Variants in PDE3A observed in about 807,000 individuals in gnomAD.
PDE3A encodes phosphodiesterase 3A, also known as cGMP-inhibited 3',5'-cyclic phosphodiesterase 3A.
PDE3A carries 43 observed loss-of-function variants against 98.3 expected under a neutral mutation model. The observed-to-expected ratio is 0.44, with a 90% CI of 0.34 to 0.56. The LOEUF (loss-of-function observed/expected upper bound fraction) is 0.56, where lower values mean the gene tolerates loss of function less well. Among genes scored for constraint, PDE3A ranks in the 20% least tolerant of loss-of-function variants. PDE3A has a pLI of 0.01. For synonymous variants in PDE3A, 663 were observed against 567.9 expected (o/e 1.17, Z -2.38); for missense variants, 1,427 against 1,440.7 (o/e 0.99, Z 0.15).
In PDE3A at chr12:20,383,093, G is replaced by A. The variant is rs186554161; in HGVS notation, c.960+12849G>A. ...ATGCTTCGGGTGCTTCATTGAAAAAGGCTTAAGAGAGATATTTAAAAAAAT... is the reference window on the plus strand; with the variant it reads ...ATGCTTCGGGTGCTTCATTGAAAAAAGCTTAAGAGAGATATTTAAAAAAAT... On this transcript the variant is annotated intron_variant, in intron 1 of 15. Transcript: ENST00000359062. 1.1e-4 allele frequency among the ~76,000 whole-genome samples: 16 copies of A among 151,902 alleles called. No homozygotes were observed. In the East Asian group the frequency reaches 3.1e-3, roughly 30 times the overall value.
chr12:20,656,344 C>T (rs1253807237), intron 15 of PDE3A, among the ~76,000 whole-genome samples: 11 of 152,160 alleles, frequency 7.2e-5, no homozygotes, highest in Non-Finnish European at 1.0e-4. Context: ...TGTAGGCACA[C>T]ATAAGCAAAC....
chr12:20,576,069 T>C (rs1942926072), intron 2 of PDE3A, among the ~76,000 whole-genome samples: 1 of 152,010 alleles, frequency 6.6e-6, no homozygotes, highest in Non-Finnish European at 1.5e-5. Context: ...TTGATATAGG[T>C]ATGCAATTCG....
chr12:20,629,507 G>T (rs959904704), intron 5 of PDE3A, among the ~76,000 whole-genome samples: 1 of 152,122 alleles, frequency 6.6e-6, no homozygotes, highest in African/African-American at 2.4e-5. Flanking sequence ...TAAAACAATA[G>T]CAGATCCTGT....
chr12:20,654,660 CTTTTTTTTTTTTTT>C (rs71442265), intron 15 of PDE3A, among the ~76,000 whole-genome samples: 4 of 85,856 alleles, frequency 4.7e-5, no homozygotes, highest in Admixed American at 1.5e-4. Context: ...CTACACCCGG[CTTTTTTTTTTTTTT>C]TTTTTTTTTT....
Position 20,680,146 on chromosome 12 carries a change from A to T in PDE3A, c.3301A>T (p.Asn1101Tyr), listed in dbSNP as rs1291403393. 6.2e-7 allele frequency: 1 copy of T among 1,613,936 alleles called. No individual in the cohort carries two copies. Among genetic ancestry groups the T allele is most frequent in the Non-Finnish European group, 8.5e-7 (1 of 1,179,886 alleles). ...GGAGCAACGGTTGGCAGGCATAGAA[A>T]ATCAATCCCTGGACCAGACCCCTCA... ...EEEQRLAGIE[N>Y]QSLDQTPQSH... is the part of the protein sequence containing the mutation. The change falls in exon 16 of 16, where the codon AAT (asparagine) becomes TAT (tyrosine). Residue 1101 changes from asparagine to tyrosine, a missense_variant. By Grantham distance (143) the Asn-to-Tyr change is moderately radical. Coordinates refer to ENST00000359062, the MANE Select transcript of PDE3A (RefSeq NM_000921.5).
chr12:20,559,788 TTAAGGATGGG>T (rs1216818976), intron 2 of PDE3A, among the ~76,000 whole-genome samples: 1 of 152,106 alleles, frequency 6.6e-6, no homozygotes, highest in African/African-American at 2.4e-5. Flanking sequence ...AGGTGTGGCT[TTAAGGATGGG>T]TAAGCTTTCG....
At chr12:20,536,723 A>G (rs1490237631) in intron 1 of PDE3A, among the ~76,000 whole-genome samples, 1 of 152,064 alleles carries the variant, frequency 6.6e-6, no homozygotes, top group African/African-American at 2.4e-5. Flanking sequence ...GTACTACTTC[A>G]TTTCTTTTTG....
chr12:20,482,235 T>C (rs73073145), intron 1 of PDE3A, among the ~76,000 whole-genome samples: 27,466 of 129,920 alleles, frequency 0.21, 2,664 homozygotes, highest in East Asian at 0.48. Context: ...CATGTATTTT[T>C]TTTTCTGTAA....
intron 1 of PDE3A, among the ~76,000 whole-genome samples, chr12:20,405,959 C>T (rs1415695906): frequency 6.6e-6 from 1 of 152,158 alleles, no homozygotes; most frequent in Non-Finnish European, 1.5e-5. Flanking sequence ...TTCTTAGATT[C>T]CACATGTAAG....
chr12:20,534,886 A>G lies in PDE3A; in HGVS notation c.961-21774A>G, dbSNP rs1244133115. Reference sequence around the variant, plus strand: ...CTTAATCATTAAATGTGAAAGGGTGAAATGCTTGTATTGCAATTGAAATGA... The same window carrying G: ...CTTAATCATTAAATGTGAAAGGGTGGAATGCTTGTATTGCAATTGAAATGA... On this transcript the variant is annotated intron_variant, in intron 1 of 15. Coordinates refer to ENST00000359062, the MANE Select transcript of PDE3A (RefSeq NM_000921.5). 2.0e-5 allele frequency among the ~76,000 whole-genome samples: 3 copies of G among 152,194 alleles called. No homozygotes were observed. In the East Asian group the frequency reaches 5.8e-4, roughly 29 times the overall value.
intron 15 of PDE3A, among the ~76,000 whole-genome samples, chr12:20,667,986 T>C (rs1000235124): frequency 6.6e-6 from 1 of 152,018 alleles, no homozygotes; most frequent in Admixed American, 6.5e-5. Flanking sequence ...GGTCAGTGGG[T>C]GCGCGCACCG....
At chr12:20,571,725 C>G (rs987646261) in intron 2 of PDE3A, 1 of 162,922 alleles carries the variant, frequency 6.1e-6, no homozygotes, top group African/African-American at 2.4e-5. Flanking sequence ...TTAAATACAA[C>G]TGAAACATTA....
At chr12:20,606,624 T>C (rs143316318) in intron 2 of PDE3A, among the ~76,000 whole-genome samples, 1 of 151,632 alleles carries the variant, frequency 6.6e-6, no homozygotes, top group East Asian at 2.0e-4. Flanking sequence ...TTTGGGAGGC[T>C]CAGGTGGGCG....
intron 1 of PDE3A, among the ~76,000 whole-genome samples, chr12:20,439,737 GCTT>G (rs1485024293): frequency 6.6e-6 from 1 of 152,070 alleles, no homozygotes; most frequent in Non-Finnish European, 1.5e-5. Context: ...TTGTTTGTCT[GCTT>G]CTTATTATAA....
At position 20,630,114 on chromosome 12, in the gene PDE3A, G is replaced by A; in HGVS notation, c.1747G>A (p.Val583Ile). 6.2e-7 allele frequency: 1 copy of A among 1,607,160 alleles called. No individual in the cohort carries two copies. Among genetic ancestry groups the A allele is most frequent in the African/African-American group, 1.3e-5 (1 of 74,822 alleles). ...DLSPQILTPPVICSSCGRPYS... is the reference protein window; with the variant it reads ...DLSPQILTPPIICSSCGRPYS... ...ATCCCCTCAAATCCTGACTCCACCT[G>A]TTATATGTAGCAGGTAAGGATTTTT... is the stretch of plus-strand genomic sequence containing the variant. The change falls in exon 6 of 16, where the codon GTT becomes ATT. Residue 583 changes from valine (V) to isoleucine (I), a missense_variant. Val to Ile is a conservative substitution (Grantham distance 29, BLOSUM62 3). This residue lies in a region of PDE3A where 1,012 missense variants were observed against 886.5 expected (regional missense o/e 1.14). Transcript: ENST00000359062.
intron 15 of PDE3A, among the ~76,000 whole-genome samples, chr12:20,668,235 C>T (rs1945372849): frequency 6.6e-6 from 1 of 152,212 alleles, no homozygotes; most frequent in Admixed American, 6.5e-5. Context: ...GCACAGCAGT[C>T]TGAGATCAAA....
chr12:20,677,691 C>T (rs987186873), intron 15 of PDE3A, among the ~76,000 whole-genome samples: 1 of 152,134 alleles, frequency 6.6e-6, no homozygotes, highest in African/African-American at 2.4e-5. Context: ...AATCTCCAGA[C>T]CTCGTGATCT....
chr12:20,604,427 A>G (rs2121420300), intron 2 of PDE3A, among the ~76,000 whole-genome samples: 1 of 152,064 alleles, frequency 6.6e-6, no homozygotes, highest in African/African-American at 2.4e-5. Flanking sequence ...CTGCTTTCCA[A>G]CTTCCCACAT....
intron 1 of PDE3A, among the ~76,000 whole-genome samples, chr12:20,534,254 T>G (rs900520355): frequency 1.3e-5 from 2 of 152,228 alleles, no homozygotes. Flanking sequence ...CTCTCTTACA[T>G]AACCTGTGCC....
Sources: allele counts gnomAD v4.1 joint callset (sites outside exome capture counted in the v4.1 genomes callset), GRCh38; gene constraint gnomAD v4.1.1; regional missense constraint gnomAD v4.1.1; transcripts MANE v1.5; gene names NCBI Gene and HGNC (gene_info 2026-07-23, HGNC 2026-07-21).